Variants in LRRTM4 observed in about 807,000 individuals in gnomAD.
LRRTM4 encodes the protein leucine-rich repeat transmembrane neuronal protein 4.
LRRTM4 carries 25 observed loss-of-function variants against 47.6 expected under a neutral mutation model. That is an observed-to-expected ratio of 0.53 (90% CI 0.38 to 0.73). LRRTM4 has a LOEUF of 0.73. Among genes scored for constraint, LRRTM4 ranks in the 30% least tolerant of loss-of-function variants. The pLI is 0.00. For missense variants in LRRTM4, 638 were observed against 713.4 expected (o/e 0.89, Z 1.20); for synonymous variants, 311 against 269.5 (o/e 1.15, Z -1.51).
At chr2:77,522,084 G>GA (rs755235047) in intron 1 of LRRTM4, 25 bp downstream of exon 1, 5 of 715,494 alleles carry the variant, frequency 7.0e-6, no homozygotes, top group East Asian at 5.4e-5. Context: ...AAAAAGAGAG[G>GA]AAAAAAAGAA....
chr2:76,868,421 ATC>A (rs990444196), intron 3 of LRRTM4, among the ~76,000 whole-genome samples: 4 of 152,018 alleles, frequency 2.6e-5, no homozygotes, highest in African/African-American at 9.7e-5. Context: ...ATAGGAAAAA[ATC>A]TCTCTCATTT....
chr2:77,020,098 GCTT>G lies in LRRTM4; in HGVS notation c.1552-271185_1552-271183del, dbSNP rs1299035088. On this transcript the variant is annotated intron_variant, in intron 3 of 3. Transcript: ENST00000409884. ...TGTCTAGGATAGATATTATAAATGT[GCTT>G]CTTTTTGCTGTATGTAACAAGGTAC... Among the ~76,000 whole-genome samples, 8 of 152,144 alleles carry G rather than the reference GCTT, an allele frequency of 5.3e-5. No homozygotes were observed. The South Asian group carries it at 1.5e-3, about 28-fold the overall frequency.
intron 3 of LRRTM4, among the ~76,000 whole-genome samples, chr2:77,076,253 G>A (rs1458465610): frequency 1.3e-5 from 2 of 152,148 alleles, no homozygotes; most frequent in South Asian, 2.1e-4. Context: ...TTCCTTCAGT[G>A]TTTGGTTTAA....
chr2:77,299,278 C>CACACACACACACAA (rs1677060821), intron 3 of LRRTM4, among the ~76,000 whole-genome samples: 1 of 150,138 alleles, frequency 6.7e-6, no homozygotes, highest in Non-Finnish European at 1.5e-5. Context: ...CACACACACA[C>CACACACACACACAA]ACACACACAC....
At chr2:77,041,006 A>G (rs973030222) in intron 3 of LRRTM4, among the ~76,000 whole-genome samples, 1 of 151,392 alleles carries the variant, frequency 6.6e-6, no homozygotes, top group African/African-American at 2.4e-5. Flanking sequence ...TATTGTGCAC[A>G]GAACAACAGA....
chr2:76,990,448 G>C (rs1676963192), intron 3 of LRRTM4, among the ~76,000 whole-genome samples: 1 of 151,626 alleles, frequency 6.6e-6, no homozygotes, highest in Non-Finnish European at 1.5e-5. Flanking sequence ...TCAAAGAGTT[G>C]GAAAAAGATG....
At chr2:77,060,470 A>T (rs1679751387) in intron 3 of LRRTM4, among the ~76,000 whole-genome samples, 1 of 152,186 alleles carries the variant, frequency 6.6e-6, no homozygotes, top group South Asian at 2.1e-4. Context: ...TTGGGAATTT[A>T]AAAAATATTA....
At chr2:76,756,119 G>T (rs1673023294) in intron 3 of LRRTM4, among the ~76,000 whole-genome samples, 1 of 152,184 alleles carries the variant, frequency 6.6e-6, no homozygotes. Flanking sequence ...CCAGTATGCT[G>T]TGGTTTGCTC....
intron 3 of LRRTM4, among the ~76,000 whole-genome samples, chr2:76,879,953 A>T (rs1162236305): frequency 6.6e-6 from 1 of 152,250 alleles, no homozygotes; most frequent in African/African-American, 2.4e-5. Flanking sequence ...TAAAAGTGGA[A>T]CGTGAAAATG....
chr2:77,472,356 A>G (rs891375993), intron 3 of LRRTM4, among the ~76,000 whole-genome samples: 1 of 152,186 alleles, frequency 6.6e-6, no homozygotes, highest in South Asian at 2.1e-4. Flanking sequence ...ACACATGGAA[A>G]GAAATTACAT....
chr2:76,851,040 G>A (rs1671977579), intron 3 of LRRTM4, among the ~76,000 whole-genome samples: 1 of 152,184 alleles, frequency 6.6e-6, no homozygotes, highest in East Asian at 1.9e-4. Context: ...GGGTAAGTCT[G>A]AAGCCCCACT....
chr2:77,509,231 C>CAAAA (rs3085637), intron 3 of LRRTM4, among the ~76,000 whole-genome samples: 38 of 138,238 alleles, frequency 2.7e-4, no homozygotes, highest in African/African-American at 9.2e-4. Flanking sequence ...GACTCTGTAT[C>CAAAA]AAAAAAAAAA....
At chr2:77,049,925 CTTCT>C (rs1317001002) in intron 3 of LRRTM4, among the ~76,000 whole-genome samples, 3 of 151,876 alleles carry the variant, frequency 2.0e-5, no homozygotes, top group African/African-American at 7.3e-5. Flanking sequence ...TAAAATTCTG[CTTCT>C]TTTAGAGATG....
chr2:77,046,459 T>C (rs1015628063), intron 3 of LRRTM4, among the ~76,000 whole-genome samples: 3 of 152,010 alleles, frequency 2.0e-5, no homozygotes, highest in Non-Finnish European at 4.4e-5. Flanking sequence ...CACTGAATTG[T>C]ACATTTGAAA....
chr2:77,039,543 T>A (rs61332902), intron 3 of LRRTM4, among the ~76,000 whole-genome samples: 2,963 of 151,368 alleles, frequency 0.02, 107 homozygotes, highest in African/African-American at 0.068. Context: ...AGTTAAGTGA[T>A]GTTTGGATTT....
intron 3 of LRRTM4, among the ~76,000 whole-genome samples, chr2:77,479,498 GC>G: frequency 6.6e-6 from 1 of 152,312 alleles, no homozygotes. Context: ...GTGCACCGTA[GC>G]AGGATGCTAA....
intron 3 of LRRTM4, among the ~76,000 whole-genome samples, chr2:76,841,843 A>G (rs1399063407): frequency 6.6e-6 from 1 of 152,156 alleles, no homozygotes; most frequent in Non-Finnish European, 1.5e-5. Flanking sequence ...GATTTTTTAA[A>G]AAGAGGTATT....
At chr2:76,785,419 C>T (rs529150526) in intron 3 of LRRTM4, among the ~76,000 whole-genome samples, 5 of 152,192 alleles carry the variant, frequency 3.3e-5, no homozygotes, top group East Asian at 1.9e-4. Context: ...AGCTCAGGAG[C>T]ACTTCCAGTA....
chr2:77,183,339 A>G (rs954257870), intron 3 of LRRTM4, among the ~76,000 whole-genome samples: 9 of 152,212 alleles, frequency 5.9e-5, no homozygotes, highest in African/African-American at 1.9e-4. Flanking sequence ...AATGCTCATC[A>G]TCACTGACCA....
Sources: gnomAD v4.1 joint callset for allele counts (sites outside exome capture counted in the v4.1 genomes callset) on GRCh38, gnomAD v4.1.1 for gene constraint, MANE v1.5 for transcripts, NCBI Gene and HGNC (gene_info 2026-07-23, HGNC 2026-07-21) for gene names.